The following CCNY variants were observed in gnomAD, a reference collection of about 807,000 sequenced individuals.
CCNY encodes cyclin Y.
In CCNY, 19 loss-of-function variants were observed where a neutral mutation model predicts 42.8. That is an observed-to-expected ratio of 0.44 (90% CI 0.31 to 0.65). CCNY has a LOEUF of 0.65. Ranked by LOEUF, CCNY falls within the 30% of genes least tolerant of loss-of-function variation. The probability of loss-of-function intolerance (pLI) is 0.07; values close to 1 mark genes in which losing one functional copy is unlikely to be tolerated. For missense variants in CCNY, 370 were observed against 437.3 expected (o/e 0.85, Z 1.37); for synonymous variants, 165 against 162.7 (o/e 1.01, Z -0.11).
At chr10:35,424,228 C>A (rs759932113) in intron 1 of CCNY, among the ~76,000 whole-genome samples, 1 of 152,082 alleles carries the variant, frequency 6.6e-6, no homozygotes, top group African/African-American at 2.4e-5. Flanking sequence ...TTTTTCTTTT[C>A]TTTTCTTTTC....
Position 35,467,887 on chromosome 10 carries a change from A to G in CCNY, c.155-15517A>G, listed in dbSNP as rs1294147612. On this transcript the variant is annotated intron_variant, in intron 1 of 9. Coordinates refer to ENST00000374704, the MANE Select transcript of CCNY (RefSeq NM_145012.6). ...ACTTAGTTCATTCTATACAATGCCT[A>G]ACTCTGTTCTCTGTGCTCCATTCTA... is the stretch of plus-strand genomic sequence containing the variant. Among the ~76,000 whole-genome samples the G allele has an allele frequency of 4.6e-5, 7 of 152,336 alleles. No homozygotes were observed. The East Asian group carries it at 1.3e-3, about 29-fold the overall frequency.
At chr10:35,564,690 G>A (rs1487597749) in intron 8 of CCNY, among the ~76,000 whole-genome samples, 1 of 152,196 alleles carries the variant, frequency 6.6e-6, no homozygotes, top group African/African-American at 2.4e-5. Flanking sequence ...ACAGGAAATG[G>A]TGACTGTGTG....
rs548380698 is a variant in CCNY at position 35,357,498 on chromosome 10, G to A, written c.154+20291G>A. On this transcript the variant is annotated intron_variant, in intron 1 of 9. Coordinates refer to ENST00000374704, the MANE Select transcript of CCNY (RefSeq NM_145012.6). ...ACCTTGGCATTTTTAAAGAGCACTG[G>A]TCAGTTTGTAAAATATCCCTCAATT... is the stretch of plus-strand genomic sequence containing the variant. Among the ~76,000 whole-genome samples, 21 of 152,290 alleles carry A rather than the reference G, an allele frequency of 1.4e-4. No individual in the cohort carries two copies. In the South Asian group the frequency reaches 4.4e-3, roughly 32 times the overall value.
At chr10:35,526,154 C>T (rs1840648668) in intron 5 of CCNY, among the ~76,000 whole-genome samples, 155 bp downstream of exon 5, 1 of 152,138 alleles carries the variant, frequency 6.6e-6, no homozygotes, top group South Asian at 2.1e-4. Context: ...ACTAAAACTT[C>T]CCAGGTAAGT....
intron 3 of CCNY, 78 bp from the exon 4 acceptor site, chr10:35,516,445 G>GT: frequency 1.1e-6 from 1 of 952,240 alleles, no homozygotes; most frequent in Middle Eastern, 2.1e-4. Context: ...CTTATCTCAA[G>GT]TTAAGCGGGG....
At chr10:35,485,904 C>T (rs1307802383) in intron 2 of CCNY, among the ~76,000 whole-genome samples, 1 of 152,172 alleles carries the variant, frequency 6.6e-6, no homozygotes, top group African/African-American at 2.4e-5. Context: ...ATTTGTCCCT[C>T]TAATGTAGTA....
intron 2 of CCNY, among the ~76,000 whole-genome samples, chr10:35,492,920 A>AGAACTCAGCATGACC (rs1388824313): frequency 1.3e-5 from 2 of 152,144 alleles, no homozygotes; most frequent in African/African-American, 4.8e-5. Flanking sequence ...ATTCCGGGTC[A>AGAACTCAGCATGACC]GAACTCAGCA....
chr10:35,259,448 C>G (rs1404712673), intron 3 of CCNY, among the ~76,000 whole-genome samples: 1 of 148,240 alleles, frequency 6.7e-6, no homozygotes, highest in African/African-American at 2.5e-5. Flanking sequence ...TCAAGCTTCA[C>G]AAAGTGCTGG....
At chr10:35,304,161 G>A (rs1393938003) in intron 3 of CCNY, among the ~76,000 whole-genome samples, 1 of 152,176 alleles carries the variant, frequency 6.6e-6, no homozygotes, top group Non-Finnish European at 1.5e-5. Flanking sequence ...GCTCAGCATA[G>A]GTTTGCTCAG....
At chr10:35,363,030 C>CCGG (rs1457062048) in intron 1 of CCNY, among the ~76,000 whole-genome samples, 2 of 128,544 alleles carry the variant, frequency 1.6e-5, no homozygotes, top group Non-Finnish European at 3.3e-5. Flanking sequence ...TGGTGGGCCG[C>CCGG]CGGCGGCCGG....
chr10:35,249,078 G>T (rs993775027), intron 2 of CCNY, among the ~76,000 whole-genome samples: 11 of 152,004 alleles, frequency 7.2e-5, no homozygotes, highest in African/African-American at 2.7e-4. Context: ...CCCAACAGGT[G>T]CATGCCACCA....
intron 1 of CCNY, among the ~76,000 whole-genome samples, chr10:35,461,563 G>A (rs1378215746): frequency 6.6e-6 from 1 of 152,240 alleles, no homozygotes; most frequent in Non-Finnish European, 1.5e-5. Flanking sequence ...TTATAAGGAA[G>A]TGCACAGTTG....
intron 1 of CCNY, among the ~76,000 whole-genome samples, chr10:35,461,175 TAAAGAG>T (rs919943825): frequency 6.6e-6 from 1 of 152,128 alleles, no homozygotes; most frequent in African/African-American, 2.4e-5. Flanking sequence ...TTGGTTGTGT[TAAAGAG>T]AAAATTATTC....
rs896464851 is a variant in CCNY at position 35,279,932 on chromosome 10, A to G, written c.-9+29306A>G. ...GCTGCTTTTGCTAGCAAACTCCTCA[A>G]TAAACTTGTTTCTACTCACTATTTC... On this transcript the variant is annotated intron_variant, in intron 3 of 11. Coordinates refer to the CCNY transcript ENST00000374706. Among the ~76,000 whole-genome samples, 23 of 152,198 alleles carry G rather than the reference A, an allele frequency of 1.5e-4. 1 individual carries two copies. The highest frequency in any genetic ancestry group is 5.1e-4 in the African/African-American group (21 of 41,444).
intron 2 of CCNY, among the ~76,000 whole-genome samples, chr10:35,499,653 A>T (rs1215445561): frequency 6.6e-6 from 1 of 152,190 alleles, no homozygotes; most frequent in African/African-American, 2.4e-5. Flanking sequence ...GCAGGGGCTG[A>T]TGTAGGGTGT....
chr10:35,407,071 A>G (rs556434799), intron 1 of CCNY, among the ~76,000 whole-genome samples: 2 of 152,328 alleles, frequency 1.3e-5, no homozygotes, highest in East Asian at 3.9e-4. Context: ...TTTGATGAAA[A>G]AGAACCTAAA....
At chr10:35,465,938 A>AGAGAGAGAGAGAGAGAGTGTGTGTGTGT in intron 1 of CCNY, among the ~76,000 whole-genome samples, 7 of 81,030 alleles carry the variant, frequency 8.6e-5, no homozygotes, top group African/African-American at 3.1e-4. Flanking sequence ...AGAGAGAGAG[A>AGAGAGAGAGAGAGAGAGTGTGTGTGTGT]GTGTGTGTGT....
Position 35,330,301 on chromosome 10 carries a change from T to C in CCNY, c.-9+79675T>C, listed in dbSNP as rs140764064. On this transcript the variant is annotated intron_variant, in intron 3 of 11. Coordinates refer to the CCNY transcript ENST00000374706. Reference sequence around the variant, plus strand: ...GTAATGCATCTGACAATCCTAATTTTCATGGGCCTAATCTGCCTCTTGGGT... The same window carrying C: ...GTAATGCATCTGACAATCCTAATTTCCATGGGCCTAATCTGCCTCTTGGGT... Among the ~76,000 whole-genome samples, 503 of 152,324 alleles carry C rather than the reference T, an allele frequency of 3.3e-3. 4 individuals are homozygous for C. Among genetic ancestry groups the C allele is most frequent in the African/African-American group, 0.011 (475 of 41,582 alleles).
At chr10:35,288,646 T>G (rs1388925136) in intron 3 of CCNY, among the ~76,000 whole-genome samples, 1 of 152,198 alleles carries the variant, frequency 6.6e-6, no homozygotes, top group African/African-American at 2.4e-5. Context: ...TGAATTCAGT[T>G]TTGTGTGTTT....
Sources: gnomAD v4.1 joint callset for allele counts (sites outside exome capture counted in the v4.1 genomes callset) on GRCh38, gnomAD v4.1.1 for gene constraint, MANE v1.5 for transcripts, NCBI Gene and HGNC (gene_info 2026-07-23, HGNC 2026-07-21) for gene names.